The following EHD4 variants were observed in gnomAD, a reference collection of about 807,000 sequenced individuals.
EHD4 encodes the protein EH domain-containing protein 4.
A neutral mutation model predicts 51.0 loss-of-function variants in EHD4; 37 were observed. The ratio of observed to expected loss-of-function variants is 0.73; its 90% CI spans 0.56 to 0.95. EHD4 has a LOEUF of 0.95. EHD4 is among the 40% of genes least tolerant of loss of function. The probability of loss-of-function intolerance (pLI) is 0.00; values close to 1 mark genes in which losing one functional copy is unlikely to be tolerated. For synonymous variants in EHD4, 297 were observed against 317.3 expected (o/e 0.94, Z 0.68); for missense variants, 632 against 733.1 (o/e 0.86, Z 1.59).
At chr15:41,910,016 T>C (rs918309169) in intron 4 of EHD4, among the ~76,000 whole-genome samples, 153 bp from the exon 5 acceptor site, 1 of 149,434 alleles carries the variant, frequency 6.7e-6, no homozygotes. Context: ...CCAGGGGGAG[T>C]GGAGCTGTCC....
At chr15:41,957,173 T>C (rs1035584200) in intron 1 of EHD4, among the ~76,000 whole-genome samples, 2 of 151,986 alleles carry the variant, frequency 1.3e-5, no homozygotes, top group Non-Finnish European at 2.9e-5. Context: ...CTACAAAACA[T>C]ACAAAAATTA....
chr15:41,900,347 A>T lies in EHD4; in HGVS notation c.*298T>A. On this transcript the variant is annotated 3_prime_UTR_variant, in exon 6 of 6. Coordinates refer to ENST00000220325, the MANE Select transcript of EHD4 (RefSeq NM_139265.4). This position sits in a 1 kb window ranked among gnomAD's most constrained non-coding sequence, Gnocchi z 4.8. ...GTGGTTCCTGGGACTTACCAGGCCC[A>T]CCCCCATGCGCATTTCTCCAGGCAG... The T allele has an allele frequency of 2.6e-6, 1 of 391,498 alleles. No individual in the cohort carries two copies. Among genetic ancestry groups the T allele is most frequent in the Non-Finnish European group, 4.6e-6 (1 of 216,842 alleles). 24.3% of individuals were successfully genotyped at this position (391,498 alleles called of 1,614,324 possible). A position where few individuals can be genotyped will look rare whatever the true frequency, so the allele number is the denominator to read the frequency against.
intron 2 of EHD4, among the ~76,000 whole-genome samples, chr15:41,949,057 CAT>C (rs2067835788): frequency 5.5e-5 from 6 of 109,472 alleles, no homozygotes; most frequent in African/African-American, 2.0e-4. Flanking sequence ...TATATACACA[CAT>C]ACACACACAC....
chr15:41,911,619 T>A (rs1195414291), intron 4 of EHD4, among the ~76,000 whole-genome samples: 1 of 152,146 alleles, frequency 6.6e-6, no homozygotes, highest in Non-Finnish European at 1.5e-5. Context: ...AAATTCTGGA[T>A]TGGGCCTATG....
chr15:41,924,271 T>C (rs550569093), intron 3 of EHD4, among the ~76,000 whole-genome samples: 7 of 152,348 alleles, frequency 4.6e-5, no homozygotes, highest in Middle Eastern at 6.8e-3. Flanking sequence ...TGTGTCTTCA[T>C]CATGGTCACA....
chr15:41,970,688 G>A (rs2067989504), intron 1 of EHD4, among the ~76,000 whole-genome samples: 1 of 152,174 alleles, frequency 6.6e-6, no homozygotes, highest in Non-Finnish European at 1.5e-5. Flanking sequence ...GATGACACCT[G>A]GGCACAACAA....
chr15:41,940,316 T>C (rs925424552), intron 3 of EHD4, among the ~76,000 whole-genome samples: 1 of 152,252 alleles, frequency 6.6e-6, no homozygotes, highest in Non-Finnish European at 1.5e-5. Flanking sequence ...TTATCCCATG[T>C]TGACATTAAT....
intron 3 of EHD4, among the ~76,000 whole-genome samples, chr15:41,925,212 G>C (rs1157709363): frequency 2.6e-5 from 4 of 152,190 alleles, no homozygotes; most frequent in Non-Finnish European, 5.9e-5. Flanking sequence ...GAATGGACCA[G>C]GAAGTTGAAA....
chr15:41,959,720 C>G (rs2141007737), intron 1 of EHD4, among the ~76,000 whole-genome samples: 1 of 152,238 alleles, frequency 6.6e-6, no homozygotes, highest in Non-Finnish European at 1.5e-5. Flanking sequence ...GTAATCCCAG[C>G]ACTTTGAGAG....
intron 4 of EHD4, among the ~76,000 whole-genome samples, chr15:41,910,651 C>T (rs867560368): frequency 2.6e-5 from 4 of 152,212 alleles, no homozygotes; most frequent in African/African-American, 7.2e-5. Flanking sequence ...CTCACTGCAA[C>T]CTCCACCTCC....
intron 2 of EHD4, among the ~76,000 whole-genome samples, chr15:41,944,134 T>G (rs898879522): frequency 6.6e-6 from 1 of 152,222 alleles, no homozygotes; most frequent in Non-Finnish European, 1.5e-5. Flanking sequence ...CGTTTCCTGA[T>G]AATCTGCTAT....
chr15:41,935,405 A>G (rs536726052), intron 3 of EHD4, among the ~76,000 whole-genome samples: 7 of 152,152 alleles, frequency 4.6e-5, no homozygotes, highest in South Asian at 2.1e-4. Context: ...GGGGCACAGC[A>G]GAGTGGGGTG....
rs201474738 is a variant in EHD4, at chr15:41,900,983, C to A, written c.1288G>T (p.Gly430Trp). 3 of 1,610,088 alleles carry A rather than the reference C, an allele frequency of 1.9e-6. No homozygotes were observed. Among genetic ancestry groups the A allele is most frequent in the Admixed American group, 1.7e-5 (1 of 59,926 alleles). Residue 430 changes from glycine to tryptophan, a missense_variant, in exon 6 of 6, where the codon GGG becomes TGG. Transcript: ENST00000220325. The surrounding 1 kb of genome is among the most constrained non-coding windows in gnomAD (Gnocchi z 4.8). ...TTEGPFNQGY[G>W]EGAKEGADEE... ...TCGGCGCCCTCCTTGGCACCCTCCCCGTAGCCCTGGTTGAAGGGGCCCTCG... is the reference window on the plus strand; with the variant it reads ...TCGGCGCCCTCCTTGGCACCCTCCCAGTAGCCCTGGTTGAAGGGGCCCTCG...
At chr15:41,921,636 A>C (rs2067626341) in intron 3 of EHD4, 1 of 152,146 alleles carries the variant, frequency 6.6e-6, no homozygotes, top group Non-Finnish European at 1.5e-5. Context: ...TGATTGATTC[A>C]CCATGCTGAC....
At chr15:41,926,700 G>A (rs2067664023) in intron 3 of EHD4, among the ~76,000 whole-genome samples, 1 of 152,188 alleles carries the variant, frequency 6.6e-6, no homozygotes, top group Non-Finnish European at 1.5e-5. Context: ...AATTCTCCAT[G>A]ACTAGCCTCT....
chr15:41,911,642 A>G (rs538632444), intron 4 of EHD4, among the ~76,000 whole-genome samples: 3 of 152,220 alleles, frequency 2.0e-5, no homozygotes, highest in South Asian at 4.2e-4. Context: ...TATGTTCTCT[A>G]TGTATACCTA....
chr15:41,949,310 C>T (rs555623775), intron 2 of EHD4, among the ~76,000 whole-genome samples: 1 of 151,834 alleles, frequency 6.6e-6, no homozygotes, highest in South Asian at 2.1e-4. Flanking sequence ...GCAGAGGTTG[C>T]AGTGAGCCGA....
intron 1 of EHD4, among the ~76,000 whole-genome samples, chr15:41,955,595 C>T (rs1379599687): frequency 6.6e-6 from 1 of 152,118 alleles, no homozygotes; most frequent in East Asian, 1.9e-4. Flanking sequence ...GAGGTGCTAC[C>T]GTTTCAAAAT....
intron 1 of EHD4, among the ~76,000 whole-genome samples, chr15:41,957,021 G>C (rs2067892309): frequency 6.6e-6 from 1 of 152,198 alleles, no homozygotes; most frequent in Non-Finnish European, 1.5e-5. Context: ...TTGACACCAT[G>C]TGTTAGAAGC....
Sources: gnomAD v4.1 joint callset for allele counts (sites outside exome capture counted in the v4.1 genomes callset) on GRCh38, gnomAD v4.1.1 for gene constraint, Gnocchi (gnomAD v3.1) non-coding constraint, MANE v1.5 for transcripts, NCBI Gene and HGNC (gene_info 2026-07-23, HGNC 2026-07-21) for gene names.